The following EDNRA variants were observed in gnomAD, a reference collection of about 807,000 sequenced individuals.
EDNRA encodes endothelin-1 receptor.
Under a neutral mutation model 41.4 loss-of-function variants are expected in EDNRA, and 11 were observed. The ratio of observed to expected loss-of-function variants is 0.27; its 90% confidence interval spans 0.17 to 0.44. EDNRA has a LOEUF of 0.44. Among genes scored for constraint, EDNRA ranks in the 20% least tolerant of loss-of-function variants. The pLI is 1.00. For missense variants in EDNRA, 294 were observed against 531.0 expected (o/e 0.55, Z 4.39); for synonymous variants, 172 against 183.0 (o/e 0.94, Z 0.49).
At position 147,532,617 on chromosome 4, in the gene EDNRA, A is replaced by T. The variant is rs1156308413; in HGVS notation, c.660A>T (p.Glu220Asp). Reference protein sequence around the residue: ...WILSFILAIPEAIGFVMVPFE... With the variant: ...WILSFILAIPDAIGFVMVPFE... ...TGTCCTTTATCCTGGCCATTCCTGAAGCGATTGGCTTCGTCATGGTACCCT... is the reference window on the plus strand; with the variant it reads ...TGTCCTTTATCCTGGCCATTCCTGATGCGATTGGCTTCGTCATGGTACCCT... Residue 220 changes from glutamate to aspartate, a missense_variant, in exon 4 of 8, where the codon GAA becomes GAT. Coordinates refer to ENST00000651419, the MANE Select transcript of EDNRA (RefSeq NM_001957.4). The T allele has an allele frequency of 6.2e-7, 1 of 1,614,080 alleles. No homozygotes were observed. The highest frequency in any genetic ancestry group is 1.7e-5 in the Admixed American group (1 of 60,008).
intron 2 of EDNRA, among the ~76,000 whole-genome samples, chr4:147,517,407 T>C (rs557264888): frequency 1.3e-5 from 2 of 152,170 alleles, no homozygotes; most frequent in Admixed American, 1.3e-4. Context: ...TGAGGTTAGA[T>C]AGTTAATGAG....
At chr4:147,488,944 C>T (rs577089650) in intron 2 of EDNRA, 1 of 152,176 alleles carries the variant, frequency 6.6e-6, no homozygotes, top group Non-Finnish European at 1.5e-5. Flanking sequence ...AGCAGCTGTC[C>T]ATCTCACTTT....
intron 2 of EDNRA, among the ~76,000 whole-genome samples, chr4:147,501,152 T>A (rs1262741478): frequency 6.6e-6 from 1 of 152,248 alleles, no homozygotes; most frequent in Admixed American, 6.5e-5. Flanking sequence ...GAACCGAAGA[T>A]GTCTAATGAA....
intron 3 of EDNRA, among the ~76,000 whole-genome samples, chr4:147,526,121 G>A (rs1029961649): frequency 6.6e-5 from 10 of 152,214 alleles, no homozygotes; most frequent in African/African-American, 1.9e-4. Flanking sequence ...GCTGGCTAGG[G>A]CAATAGGATC....
Position 147,542,568 on chromosome 4 carries a change from C to CA in EDNRA, c.1238dup (p.Asn413LysfsTer11). 6.2e-7 allele frequency: 1 copy of CA among 1,614,084 alleles called. No individual in the cohort carries two copies. Among genetic ancestry groups the CA allele is most frequent in the South Asian group, 1.1e-5 (1 of 91,072 alleles). On this transcript the variant is annotated frameshift_variant, in exon 8 of 8. Coordinates refer to ENST00000651419, the MANE Select transcript of EDNRA (RefSeq NM_001957.4). LOFTEE classifies it high-confidence loss of function. ...AAGCATCCAGTGGAAGAACCACGAT[C>CA]AAAACAACCACAACACAGACCGGAG...
chr4:147,507,697 G>A (rs1441774399), intron 2 of EDNRA, among the ~76,000 whole-genome samples: 1 of 152,106 alleles, frequency 6.6e-6, no homozygotes, highest in Non-Finnish European at 1.5e-5. Flanking sequence ...ATGTGAAACT[G>A]GGGAAATAAA....
intron 2 of EDNRA, among the ~76,000 whole-genome samples, chr4:147,502,533 T>C (rs1407670355): frequency 2.0e-5 from 3 of 152,250 alleles, no homozygotes; most frequent in African/African-American, 7.2e-5. Context: ...GATAAGCCTG[T>C]GCATTGAGTC....
rs1728945839 is a variant in EDNRA at position 147,486,348 on chromosome 4, T to A, written c.420+247T>A. On this transcript the variant is annotated intron_variant, in intron 2 of 7. Coordinates refer to ENST00000651419, the MANE Select transcript of EDNRA (RefSeq NM_001957.4). The surrounding 1 kb of genome is among the most constrained non-coding windows in gnomAD (Gnocchi z 4.3). ...GATGATGGTTCAAAATCATGGTGTT[T>A]CATGACTTGGATTCTCATGCCACCC... 6.6e-6 allele frequency among the ~76,000 whole-genome samples: 1 copy of A among 152,192 alleles called. No individual in the cohort carries two copies. Among genetic ancestry groups the A allele is most frequent in the Admixed American group, 6.5e-5 (1 of 15,290 alleles).
At chr4:147,490,230 G>A (rs1473805643) in intron 2 of EDNRA, 2 of 151,494 alleles carry the variant, frequency 1.3e-5, no homozygotes, top group African/African-American at 4.9e-5. Flanking sequence ...AAAGTAAAAT[G>A]CAAGGCAGAA....
chr4:147,499,393 G>C (rs991856922), intron 2 of EDNRA, among the ~76,000 whole-genome samples: 1 of 152,158 alleles, frequency 6.6e-6, no homozygotes, highest in Non-Finnish European at 1.5e-5. Context: ...AATAAATAAT[G>C]AAGGGACCAT....
At chr4:147,513,331 AGT>A (rs1348388846) in intron 2 of EDNRA, among the ~76,000 whole-genome samples, 1 of 152,210 alleles carries the variant, frequency 6.6e-6, no homozygotes, top group Non-Finnish European at 1.5e-5. Flanking sequence ...CAAAGGAAAA[AGT>A]GTATGGATAG....
chr4:147,543,994 G>GTA lies in EDNRA; in HGVS notation c.*1385_*1386dup, dbSNP rs1425262188. On this transcript the variant is annotated 3_prime_UTR_variant, in exon 8 of 8. Transcript: ENST00000651419. ...GAAAATCTTTTACTAGTGTGTGTGT[G>GTA]TATATATATAAACAATTGTAAATTT... The GTA allele has an allele frequency of 6.6e-6, 1 of 152,292 alleles. No individual in the cohort carries two copies. The highest frequency in any genetic ancestry group is 1.9e-4 in the East Asian group (1 of 5,190). 9.4% of individuals were successfully genotyped at this position (152,292 alleles called of 1,614,324 possible). A position where few individuals can be genotyped will look rare whatever the true frequency, so the allele number is the denominator to read the frequency against.
intron 3 of EDNRA, chr4:147,531,651 AAT>A (rs1730739953): frequency 6.6e-6 from 1 of 152,194 alleles, no homozygotes; most frequent in Admixed American, 6.5e-5. Flanking sequence ...CTCTAGACCA[AAT>A]AAAGACCTCA....
At chr4:147,506,676 G>C (rs1729727504) in intron 2 of EDNRA, 1 of 323,278 alleles carries the variant, frequency 3.1e-6, no homozygotes, top group South Asian at 4.0e-5. Flanking sequence ...CTCTTAAATT[G>C]GTCTTCAGAA....
intron 2 of EDNRA, chr4:147,488,969 G>A (rs987766488): frequency 6.6e-6 from 1 of 152,176 alleles, no homozygotes; most frequent in African/African-American, 2.4e-5. Flanking sequence ...TTACATTTAT[G>A]TAGCTATGAA....
At chr4:147,516,178 T>C (rs1380690709) in intron 2 of EDNRA, among the ~76,000 whole-genome samples, 5 of 152,234 alleles carry the variant, frequency 3.3e-5, no homozygotes, top group Admixed American at 6.5e-5. Flanking sequence ...GAACATGATG[T>C]ACATTTAGAC....
rs551435836 is a variant in EDNRA at position 147,527,229 on chromosome 4, G to A, written c.549-5277G>A. 5.8e-4 allele frequency among the ~76,000 whole-genome samples: 88 copies of A among 152,050 alleles called. 1 individual carries two copies. In the South Asian group the frequency reaches 9.6e-3, roughly 17 times the overall value. On this transcript the variant is annotated intron_variant, in intron 3 of 7. Coordinates refer to ENST00000651419, the MANE Select transcript of EDNRA (RefSeq NM_001957.4). The stretch of plus-strand genomic sequence containing the variant: ...TCCCTGATCCAGTAATCCCACTCAA[G>A]ATAATTAATCCAGAAAAATCATTCA...
At chr4:147,506,534 A>AGAT (rs1299340780) in intron 2 of EDNRA, 1 of 277,838 alleles carries the variant, frequency 3.6e-6, no homozygotes, top group Non-Finnish European at 7.2e-6. Context: ...AAGAGAAAAC[A>AGAT]GATGGAAAAT....
chr4:147,522,885 A>C (rs753417049), intron 3 of EDNRA, among the ~76,000 whole-genome samples: 3 of 152,182 alleles, frequency 2.0e-5, no homozygotes, highest in Non-Finnish European at 4.4e-5. Flanking sequence ...CATTTTAGGG[A>C]GACAGAAGTT....
Sources: gnomAD v4.1 joint callset for allele counts (sites outside exome capture counted in the v4.1 genomes callset) on GRCh38, gnomAD v4.1.1 for gene constraint, Gnocchi (gnomAD v3.1) non-coding constraint, MANE v1.5 for transcripts, NCBI Gene and HGNC (gene_info 2026-07-23, HGNC 2026-07-21) for gene names.